Variants in PCDHGB1 observed in about 807,000 individuals in gnomAD.
PCDHGB1 encodes the protein protocadherin gamma-B1.
In PCDHGB1, 34 loss-of-function variants were observed where a neutral mutation model predicts 56.6. The ratio of observed to expected loss-of-function variants is 0.60; its 90% CI spans 0.46 to 0.80. The LOEUF (loss-of-function observed/expected upper bound fraction) is 0.80, where lower values mean the gene tolerates loss of function less well. Among genes scored for constraint, PCDHGB1 ranks in the 30% least tolerant of loss-of-function variants. The pLI, the probability that PCDHGB1 is intolerant of heterozygous loss-of-function variation, is 0.00. For synonymous variants in PCDHGB1, 561 were observed against 505.9 expected (o/e 1.11, Z -1.46); for missense variants, 1,278 against 1,204.6 (o/e 1.06, Z -0.90).
At chr5:141,377,416 G>A (rs1455830122) in intron 1 of PCDHGB1, 5 of 151,976 alleles carry the variant, frequency 3.3e-5, no homozygotes, top group Non-Finnish European at 5.9e-5. Context: ...GACCAGCCTG[G>A]GTGACTCTGT....
chr5:141,505,053 T>C (rs904041070), intron 2 of PCDHGB1, among the ~76,000 whole-genome samples: 2 of 152,108 alleles, frequency 1.3e-5, no homozygotes, highest in African/African-American at 4.8e-5. Context: ...TCCCAGCTAC[T>C]TGGGAGACTG....
intron 1 of PCDHGB1, among the ~76,000 whole-genome samples, chr5:141,401,180 A>G (rs1006390606): frequency 2.6e-5 from 4 of 152,196 alleles, no homozygotes; most frequent in Non-Finnish European, 5.9e-5. Context: ...CGTCTCTACT[A>G]AAAATACAAA....
At chr5:141,385,397 A>T (rs1023066700) in intron 1 of PCDHGB1, 2 of 1,492,858 alleles carry the variant, frequency 1.3e-6, no homozygotes, top group Non-Finnish European at 1.8e-6. Flanking sequence ...TGCAAAACAA[A>T]TGTTTTGAAA....
In PCDHGB1 at chr5:141,392,927, G is replaced by C. The variant is rs758960557; in HGVS notation, c.2409+40258G>C. The C allele has an allele frequency of 5.6e-6, 9 of 1,613,832 alleles. No homozygotes were observed. In the East Asian group the frequency reaches 2.0e-4, roughly 36 times the overall value. On this transcript the variant is annotated intron_variant, in intron 1 of 3. Coordinates refer to ENST00000523390, the MANE Select transcript of PCDHGB1 (RefSeq NM_018922.3). Reference sequence around the variant, plus strand: ...AGATTCGCTACTCTGTGCCAGAAGAGACGGACAAAGGCTCCTTCGTGGGTA... The same window carrying C: ...AGATTCGCTACTCTGTGCCAGAAGACACGGACAAAGGCTCCTTCGTGGGTA...
intron 1 of PCDHGB1, among the ~76,000 whole-genome samples, chr5:141,461,231 T>C (rs1042368465): frequency 6.6e-5 from 10 of 152,068 alleles, no homozygotes; most frequent in African/African-American, 2.4e-4. Context: ...TCCATAGAGG[T>C]TGTACTAATT....
rs780491756 is a variant in PCDHGB1 at position 141,375,972 on chromosome 5, G to A, written c.2409+23303G>A. ...CACACGGGCGAGGTGCGCACGGCGC[G>A]CGCCCTGCTGGACAGAGACGCGCTC... is the stretch of plus-strand genomic sequence containing the variant. On this transcript the variant is annotated intron_variant, in intron 1 of 3. Transcript: ENST00000523390. 9.9e-6 allele frequency: 16 copies of A among 1,613,336 alleles called. No homozygotes were observed. In the Admixed American group the frequency reaches 1.0e-4, roughly 10 times the overall value.
rs564226347 is a variant in PCDHGB1 at position 141,361,741 on chromosome 5, G to C, written c.2409+9072G>C. ...CTTCGAGCTCACACTGCAGGCCCGC[G>C]ACCAGGGCTCGCCCGCGCTCAGCGC... On this transcript the variant is annotated intron_variant, in intron 1 of 3. Coordinates refer to ENST00000523390, the MANE Select transcript of PCDHGB1 (RefSeq NM_018922.3). The C allele has an allele frequency of 2.5e-5, 40 of 1,613,146 alleles. No homozygotes were observed. The South Asian group carries it at 4.0e-4, about 16-fold the overall frequency.
In PCDHGB1 at chr5:141,491,778, C is replaced by T. The variant is rs568710854; in HGVS notation, c.2410-3029C>T. 3.1e-4 allele frequency: 482 copies of T among 1,547,678 alleles called. No homozygotes were observed. The highest frequency in any genetic ancestry group is 2.2e-3 in the Middle Eastern group (13 of 5,890). On this transcript the variant is annotated intron_variant, in intron 1 of 3. Transcript: ENST00000523390. This position sits in a 1 kb window ranked among gnomAD's most constrained non-coding sequence, Gnocchi z 6.9. Reference sequence around the variant, plus strand: ...CCGCCCGTCCTCATAAGGGATTGAACTTGCATCCACTCCTCTCCGGCCGGC... The same window carrying T: ...CCGCCCGTCCTCATAAGGGATTGAATTTGCATCCACTCCTCTCCGGCCGGC...
intron 1 of PCDHGB1, chr5:141,409,350 G>T: frequency 6.2e-7 from 1 of 1,613,922 alleles, no homozygotes; most frequent in Non-Finnish European, 8.5e-7. Context: ...GGAGAAGTCA[G>T]GTGTAATATA....
rs142995927 is a variant in PCDHGB1, at chr5:141,489,933, C to T, written c.2410-4874C>T. 38 of 1,614,064 alleles carry T rather than the reference C, an allele frequency of 2.4e-5. No homozygotes were observed. The highest frequency in any genetic ancestry group is 1.8e-4 in the South Asian group (16 of 91,084). On this transcript the variant is annotated intron_variant, in intron 1 of 3. Transcript: ENST00000523390. This position sits in a 1 kb window ranked among gnomAD's most constrained non-coding sequence, Gnocchi z 4.5. ...CAGGGACCACCCTTATCTCTGTCAT[C>T]GTGCTGGACATCAATGATAATGCTC...
At position 141,487,030 on chromosome 5, in the gene PCDHGB1, T is replaced by C. The variant is rs773121109; in HGVS notation, c.2410-7777T>C. Reference sequence around the variant, plus strand: ...TGGAGGCCCCAGATCCCAGCCTGTTTGCAGTCTCTCGATATGCTGGGGAGG... The same window carrying C: ...TGGAGGCCCCAGATCCCAGCCTGTTCGCAGTCTCTCGATATGCTGGGGAGG... On this transcript the variant is annotated intron_variant, in intron 1 of 3. Coordinates refer to ENST00000523390, the MANE Select transcript of PCDHGB1 (RefSeq NM_018922.3). The surrounding 1 kb of genome is among the most constrained non-coding windows in gnomAD (Gnocchi z 5.0). 12 of 1,614,100 alleles carry C rather than the reference T, an allele frequency of 7.4e-6. No homozygotes were observed. Among genetic ancestry groups the C allele is most frequent in the Non-Finnish European group, 1.0e-5 (12 of 1,180,044 alleles).
chr5:141,390,523 G>T, intron 1 of PCDHGB1: 1 of 556,304 alleles, frequency 1.8e-6, no homozygotes, highest in South Asian at 2.2e-5. Context: ...AGCAATGAGG[G>T]TGTGGTTTTA....
intron 1 of PCDHGB1, chr5:141,414,258 TG>T: frequency 6.2e-7 from 1 of 1,613,492 alleles, no homozygotes; most frequent in Non-Finnish European, 8.5e-7. Flanking sequence ...GTCCAGTGAC[TG>T]AAGATTCACC....
intron 1 of PCDHGB1, chr5:141,399,574 G>C (rs1191176960): frequency 6.2e-7 from 1 of 1,614,046 alleles, no homozygotes; most frequent in Middle Eastern, 1.6e-4. Flanking sequence ...GAACGGCCAA[G>C]TCTCCTACTC....
intron 1 of PCDHGB1, chr5:141,410,849 C>CTTTTGTTTTTTTTTTTTTTTTTT (rs2095432564): frequency 7.7e-6 from 1 of 129,786 alleles, no homozygotes; most frequent in Non-Finnish European, 1.3e-5. Flanking sequence ...TTGTCTTTGT[C>CTTTTGTTTTTTTTTTTTTTTTTT]TTTTTTTTTT....
At chr5:141,423,620 C>A in intron 1 of PCDHGB1, 1 of 1,608,268 alleles carries the variant, frequency 6.2e-7, no homozygotes, top group Non-Finnish European at 8.5e-7. Flanking sequence ...GCTGAAGACT[C>A]AGCTATCATT....
chr5:141,404,973 A>T, intron 1 of PCDHGB1: 1 of 1,613,952 alleles, frequency 6.2e-7, no homozygotes, highest in South Asian at 1.1e-5. Flanking sequence ...ATCCTGGCTG[A>T]CCTGGGCAGT....
intron 1 of PCDHGB1, chr5:141,389,837 AC>A (rs2091936174): frequency 6.2e-7 from 1 of 1,613,842 alleles, no homozygotes. Flanking sequence ...GACAGCCACC[AC>A]TCTCGGCCAC....
At chr5:141,502,552 T>C (rs1217408446) in intron 2 of PCDHGB1, among the ~76,000 whole-genome samples, 1 of 152,146 alleles carries the variant, frequency 6.6e-6, no homozygotes, top group Non-Finnish European at 1.5e-5. Context: ...AAAAACAGTG[T>C]CCCAGATCTC....
Sources: gnomAD v4.1 joint callset for allele counts (sites outside exome capture counted in the v4.1 genomes callset) on GRCh38, gnomAD v4.1.1 for gene constraint, Gnocchi (gnomAD v3.1) non-coding constraint, MANE v1.5 for transcripts, NCBI Gene and HGNC (gene_info 2026-07-23, HGNC 2026-07-21) for gene names.